MASP1: variants seen among roughly 807,000 people sequenced by gnomAD.
The protein encoded by MASP1 is MBL associated serine protease 1, also known as mannan-binding lectin serine protease 1.
MASP1 carries 59 observed loss-of-function variants against 77.1 expected under a neutral mutation model. That is an observed-to-expected ratio of 0.77 (90% CI 0.62 to 0.95). MASP1 has a LOEUF of 0.95. Ranked by LOEUF, MASP1 falls within the 40% of genes least tolerant of loss-of-function variation. MASP1 has a pLI of 0.00. For synonymous variants in MASP1, 362 were observed against 354.5 expected (o/e 1.02, Z -0.24); for missense variants, 885 against 912.9 (o/e 0.97, Z 0.39).
chr3:187,283,110 G>T (rs529105990), intron 2 of MASP1, among the ~76,000 whole-genome samples: 1 of 152,158 alleles, frequency 6.6e-6, no homozygotes, highest in African/African-American at 2.4e-5. Flanking sequence ...TCCATGTAAG[G>T]GCCCAGGACC....
chr3:187,271,170 A>G (rs2108582269), intron 2 of MASP1, among the ~76,000 whole-genome samples: 1 of 152,282 alleles, frequency 6.6e-6, no homozygotes, highest in South Asian at 2.1e-4. Flanking sequence ...TCTTTTTACC[A>G]CACCCTTAGC....
chr3:187,221,364 T>C (rs1321378429), intron 14 of MASP1, among the ~76,000 whole-genome samples: 3 of 152,232 alleles, frequency 2.0e-5, no homozygotes, highest in Admixed American at 6.5e-5. Context: ...TGTGTGAACT[T>C]GGGCAAGTCA....
chr3:187,235,853 T>C lies in MASP1; in HGVS notation c.2018A>G (p.Asp673Gly). The change falls in exon 11 of 11, where the codon GAC becomes GGC. Residue 673 changes from aspartate to glycine, a missense_variant. Asp to Gly is a moderately conservative substitution (Grantham distance 94, BLOSUM62 -1). Transcript: ENST00000296280. ...DSGGAFVIFD[D>G]LSQRWVVQGL... ...TTGCACCACCCAGCGCTGGCTCAAG[T>C]CATCAAAGATGACAAAGGCCCCACC... 2 of 1,614,082 alleles carry C rather than the reference T, an allele frequency of 1.2e-6. No homozygotes were observed. The highest frequency in any genetic ancestry group is 1.7e-6 in the Non-Finnish European group (2 of 1,180,004).
At chr3:187,282,322 C>A (rs1717484447) in intron 2 of MASP1, among the ~76,000 whole-genome samples, 2 of 151,918 alleles carry the variant, frequency 1.3e-5, no homozygotes. Flanking sequence ...CATGGTGAAA[C>A]CCCGTCTCTG....
chr3:187,250,142 A>G (rs967654333), intron 8 of MASP1, 109 bp downstream of exon 8: 4 of 866,852 alleles, frequency 4.6e-6, no homozygotes, highest in Non-Finnish European at 8.0e-6. Flanking sequence ...TCCTGCTCCC[A>G]TCCCCCTTAG....
At chr3:187,266,727 A>G (rs141741791) in intron 2 of MASP1, among the ~76,000 whole-genome samples, 262 of 152,294 alleles carry the variant, frequency 1.7e-3, no homozygotes, top group African/African-American at 6.2e-3. Flanking sequence ...CACATCTGAT[A>G]AGGAGAAGCC....
At chr3:187,266,452 G>A (rs1716025772) in intron 2 of MASP1, among the ~76,000 whole-genome samples, 1 of 152,148 alleles carries the variant, frequency 6.6e-6, no homozygotes, top group African/African-American at 2.4e-5. Context: ...GGCTGCCCTG[G>A]GGGTTTAAGG....
At chr3:187,221,213 T>C (rs1712041066) in intron 14 of MASP1, 3 of 976,446 alleles carry the variant, frequency 3.1e-6, no homozygotes, top group Non-Finnish European at 4.8e-6. Flanking sequence ...AGACGGCTCC[T>C]CTCCACTCCA....
At chr3:187,269,092 C>A (rs888748419) in intron 2 of MASP1, among the ~76,000 whole-genome samples, 10 of 150,582 alleles carry the variant, frequency 6.6e-5, no homozygotes, top group South Asian at 2.1e-4. Flanking sequence ...GATTTTAAAA[C>A]CAAAAATGGC....
At chr3:187,289,753 A>C (rs1718157406) in intron 1 of MASP1, among the ~76,000 whole-genome samples, 1 of 152,176 alleles carries the variant, frequency 6.6e-6, no homozygotes, top group Admixed American at 6.5e-5. Flanking sequence ...TAGTAGAAAA[A>C]ATCCTGAACT....
intron 2 of MASP1, among the ~76,000 whole-genome samples, chr3:187,273,939 T>C (rs1716740325): frequency 6.6e-6 from 1 of 152,206 alleles, no homozygotes; most frequent in South Asian, 2.1e-4. Flanking sequence ...GCCAGGCACC[T>C]TGGCCCATGC....
At chr3:187,249,002 G>A (rs1378350040) in intron 8 of MASP1, among the ~76,000 whole-genome samples, 1 of 152,216 alleles carries the variant, frequency 6.6e-6, no homozygotes, top group Non-Finnish European at 1.5e-5. Context: ...CAGTTTGCAT[G>A]AAAATTCATG....
intron 8 of MASP1, chr3:187,247,039 T>C: frequency 2.3e-6 from 3 of 1,310,488 alleles, no homozygotes; most frequent in Non-Finnish European, 2.9e-6. Flanking sequence ...GGCATTTTTT[T>C]TTTCCGTTGA....
chr3:187,284,471 C>T (rs533503237), intron 2 of MASP1, among the ~76,000 whole-genome samples: 71 of 152,290 alleles, frequency 4.7e-4, no homozygotes, highest in African/African-American at 1.6e-3. Flanking sequence ...ATCAGTAGTG[C>T]TGAGGTTAAA....
chr3:187,285,766 T>A (rs1579593370), intron 2 of MASP1, 59 bp downstream of exon 2: 1 of 1,341,842 alleles, frequency 7.5e-7, no homozygotes, highest in East Asian at 2.3e-5. Context: ...AATTTCATAT[T>A]GCCTTGTCTA....
intron 2 of MASP1, among the ~76,000 whole-genome samples, chr3:187,282,952 C>A (rs1232142224): frequency 6.6e-6 from 1 of 152,192 alleles, no homozygotes; most frequent in Non-Finnish European, 1.5e-5. Flanking sequence ...CCCTAAGTTG[C>A]CTCAAGTAGA....
At chr3:187,232,234 C>T (rs1392367761), downstream of MASP1, among the ~76,000 whole-genome samples, 1 of 151,732 alleles carries the variant, frequency 6.6e-6, no homozygotes, top group Non-Finnish European at 1.5e-5. Flanking sequence ...CTTCCCCCCC[C>T]CCCCTTTTTT....
intron 8 of MASP1, among the ~76,000 whole-genome samples, chr3:187,249,259 T>C (rs371509055): frequency 5.9e-5 from 9 of 152,304 alleles, no homozygotes; most frequent in African/African-American, 1.9e-4. Flanking sequence ...AGTTTCACCA[T>C]GTTGGCCAGG....
chr3:187,236,458 G>A lies in MASP1; in HGVS notation c.1413C>T (p.Asp471=). The change falls in exon 11 of 11, where the codon GAC becomes GAT. Residue 471 remains aspartate (D), a synonymous_variant. Coordinates refer to ENST00000296280, the MANE Select transcript of MASP1 (RefSeq NM_139125.4). ...ACTTGTCATTTGGCACTCTCGAAGT[G>A]TCCTCCACCACTATCAGGGCCTGCC... ...FPWQALIVVE[D]TSRVPNDKWF... is the part of the protein sequence containing the mutation. 2 of 1,614,170 alleles carry A rather than the reference G, an allele frequency of 1.2e-6. No individual in the cohort carries two copies. Among genetic ancestry groups the A allele is most frequent in the South Asian group, 1.1e-5 (1 of 91,076 alleles).
Sources: allele counts gnomAD v4.1 joint callset (sites outside exome capture counted in the v4.1 genomes callset), GRCh38; gene constraint gnomAD v4.1.1; transcripts MANE v1.5; gene names NCBI Gene and HGNC (gene_info 2026-07-23, HGNC 2026-07-21).